The following SPECC1L variants were observed in gnomAD, a reference collection of about 807,000 sequenced individuals.
SPECC1L encodes cytospin-A.
A neutral mutation model predicts 116.8 loss-of-function variants in SPECC1L; 40 were observed. That is an observed-to-expected ratio of 0.34 (90% CI 0.27 to 0.45). The LOEUF (loss-of-function observed/expected upper bound fraction) is 0.45. Ranked by LOEUF, SPECC1L falls within the 20% of genes least tolerant of loss-of-function variation. The probability of loss-of-function intolerance (pLI) is 1.00; values close to 1 mark genes in which losing one functional copy is unlikely to be tolerated. For missense variants in SPECC1L, 1,110 were observed against 1,373.6 expected, an observed-to-expected ratio of 0.81 and a Z score of 3.03; for synonymous variants, 504 against 500.6, an observed-to-expected ratio of 1.01 and a Z score of -0.09.
intron 11 of SPECC1L, among the ~76,000 whole-genome samples, chr22:24,360,810 A>C (rs1181069068): frequency 6.6e-6 from 1 of 152,186 alleles, no homozygotes; most frequent in Non-Finnish European, 1.5e-5. Flanking sequence ...TTAAATGTAA[A>C]ACATTGATCT....
intron 10 of SPECC1L, among the ~76,000 whole-genome samples, chr22:24,340,870 A>G (rs1452651682): frequency 2.0e-5 from 3 of 152,182 alleles, no homozygotes; most frequent in Admixed American, 6.5e-5. Flanking sequence ...TAGGAATTCT[A>G]CTTCTAGCTA....
chr22:24,314,115 G>C (rs1301815398), intron 4 of SPECC1L, among the ~76,000 whole-genome samples: 1 of 151,950 alleles, frequency 6.6e-6, no homozygotes, highest in African/African-American at 2.4e-5. Flanking sequence ...CATGATCTCA[G>C]CTAACTGCAA....
chr22:24,310,675 C>CT (rs1274871774), intron 3 of SPECC1L, among the ~76,000 whole-genome samples: 1 of 150,650 alleles, frequency 6.6e-6, no homozygotes, highest in East Asian at 1.9e-4. Context: ...TTTTTTTGGT[C>CT]TTTTTCCCCT....
rs2146404986 is a variant in SPECC1L at position 24,302,262 on chromosome 22, G to A, written c.31G>A (p.Val11Met). 1.9e-6 allele frequency: 3 copies of A among 1,614,084 alleles called. No homozygotes were observed. Among genetic ancestry groups the A allele is most frequent in the East Asian group, 4.5e-5 (2 of 44,870 alleles). Residue 11 changes from valine to methionine, a missense_variant, in exon 3 of 17, where the codon GTG (valine) becomes ATG (methionine). This residue lies in a region of SPECC1L where 437 missense variants were observed against 482.6 expected (regional missense o/e 0.91). Transcript: ENST00000314328. ...GAAAGCAAGCAGGAGTGTTGGCTCAGTGCCTAAAGTGTCTGCAATAAGTAA... is the reference window on the plus strand; with the variant it reads ...GAAAGCAAGCAGGAGTGTTGGCTCAATGCCTAAAGTGTCTGCAATAAGTAA... MKKASRSVGS[V>M]PKVSAISKTQ...
chr22:24,301,782 C>A (rs2049383992), intron 2 of SPECC1L, among the ~76,000 whole-genome samples: 1 of 152,140 alleles, frequency 6.6e-6, no homozygotes, highest in Non-Finnish European at 1.5e-5. Flanking sequence ...GCACGGTGCT[C>A]ACGCCTGTAA....
intron 14 of SPECC1L, among the ~76,000 whole-genome samples, chr22:24,406,344 G>T (rs772669356): frequency 3.3e-5 from 5 of 152,204 alleles, no homozygotes; most frequent in Non-Finnish European, 7.3e-5. Context: ...CAGGGGAGGA[G>T]TGCTCAGCAG....
At position 24,322,132 on chromosome 22, in the gene SPECC1L, C is replaced by T. The variant is rs2040734762; in HGVS notation, c.1152C>T (p.Ser384=). The T allele has an allele frequency of 6.2e-7, 1 of 1,613,888 alleles. No individual in the cohort carries two copies. The highest frequency in any genetic ancestry group is 8.5e-7 in the Non-Finnish European group (1 of 1,180,042). The part of the protein sequence containing the change: ...IPSIERSRKG[S]SGNASEVSVA... ...GCATAGAGCGCTCCCGGAAGGGGAGCAGCGGGAATGCCAGTGAAGTGTCCG... is the reference window on the plus strand; with the variant it reads ...GCATAGAGCGCTCCCGGAAGGGGAGTAGCGGGAATGCCAGTGAAGTGTCCG... The change falls in exon 5 of 17, where the codon AGC becomes AGT. Residue 384 remains serine, a synonymous_variant. Transcript: ENST00000314328.
In SPECC1L at chr22:24,338,501, G is replaced by A. The variant is rs559667717; in HGVS notation, c.2652+24G>A. 4.0e-5 allele frequency: 65 copies of A among 1,606,030 alleles called. No homozygotes were observed. The South Asian group carries it at 6.4e-4, about 16-fold the overall frequency. On this transcript the variant is annotated intron_variant, in intron 10 of 16. Transcript: ENST00000314328. ...AGGTGAGTGCCTGGAACCACAGGAG[G>A]CTCTTAGAGCCTCAGAATCTGAAAG...
intron 2 of SPECC1L, among the ~76,000 whole-genome samples, chr22:24,281,190 G>A (rs1174541515): frequency 1.3e-5 from 2 of 152,176 alleles, no homozygotes; most frequent in Admixed American, 6.5e-5. Context: ...TTCAAAACAT[G>A]TTTTCACTAT....
chr22:24,375,670 G>A (rs1289619312), intron 14 of SPECC1L, among the ~76,000 whole-genome samples: 1 of 152,210 alleles, frequency 6.6e-6, no homozygotes, highest in Admixed American at 6.5e-5. Flanking sequence ...AAAACCCACA[G>A]TTGGCTGGGC....
In SPECC1L at chr22:24,322,376, T is replaced by G; in HGVS notation, c.1396T>G (p.Phe466Val). The G allele has an allele frequency of 6.2e-7, 1 of 1,614,238 alleles. No individual in the cohort carries two copies. ...ACACTTTAGTCGACAGATTGAATACTTCCGCTCTCTTCTAGATGAGCATCA... is the reference window on the plus strand; with the variant it reads ...ACACTTTAGTCGACAGATTGAATACGTCCGCTCTCTTCTAGATGAGCATCA... ...LEHFSRQIEY[F>V]RSLLDEHHIS... The change falls in exon 5 of 17, where the codon TTC (phenylalanine) becomes GTC (valine). Residue 466 changes from phenylalanine to valine, a missense_variant. This residue lies in a region of SPECC1L where 575 missense variants were observed against 682.4 expected (regional missense o/e 0.84). Transcript: ENST00000314328.
At chr22:24,380,107 G>C (rs1031840021) in intron 14 of SPECC1L, among the ~76,000 whole-genome samples, 3 of 152,198 alleles carry the variant, frequency 2.0e-5, no homozygotes, top group Admixed American at 2.0e-4. Flanking sequence ...CTGACCTCAA[G>C]TGACCCACCC....
At chr22:24,308,032 C>G (rs1240394645) in intron 3 of SPECC1L, among the ~76,000 whole-genome samples, 2 of 151,930 alleles carry the variant, frequency 1.3e-5, no homozygotes, top group Non-Finnish European at 2.9e-5. Flanking sequence ...ATTATCACTT[C>G]CCTGTATATA....
At chr22:24,292,105 G>A (rs1392014582) in intron 2 of SPECC1L, among the ~76,000 whole-genome samples, 1 of 152,164 alleles carries the variant, frequency 6.6e-6, no homozygotes, top group Non-Finnish European at 1.5e-5. Context: ...AGGGGTTCCC[G>A]TCCCACCCTG....
At position 24,275,145 on chromosome 22, in the gene SPECC1L, A is replaced by G. The variant is rs143756404; in HGVS notation, c.-141-1555A>G. 1.5e-3 allele frequency among the ~76,000 whole-genome samples: 233 copies of G among 152,238 alleles called. 4 individuals carry two copies. The East Asian group carries it at 0.033, about 22-fold the overall frequency. On this transcript the variant is annotated intron_variant, in intron 1 of 16. Coordinates refer to ENST00000314328, the MANE Select transcript of SPECC1L (RefSeq NM_015330.6). ...TTGTCTGGCACCCTGTGCATTTGGG[A>G]TTTGGCACACTATGTCTCGTCTGCG...
chr22:24,305,047 G>A (rs2049463729), intron 3 of SPECC1L, among the ~76,000 whole-genome samples: 1 of 152,190 alleles, frequency 6.6e-6, no homozygotes, highest in Non-Finnish European at 1.5e-5. Context: ...GAATGCACAT[G>A]CCTTTACAGA....
chr22:24,279,589 T>A (rs1219177069), intron 2 of SPECC1L, among the ~76,000 whole-genome samples: 3 of 144,748 alleles, frequency 2.1e-5, no homozygotes, highest in Admixed American at 6.7e-5. Flanking sequence ...TATTATTATT[T>A]ATTATTTTAG....
chr22:24,284,397 A>G (rs2049002224), intron 2 of SPECC1L, among the ~76,000 whole-genome samples: 1 of 151,990 alleles, frequency 6.6e-6, no homozygotes, highest in Admixed American at 6.6e-5. Context: ...ATATTCCATT[A>G]TTTTGTAATT....
At chr22:24,313,699 A>T (rs2146443357) in intron 4 of SPECC1L, among the ~76,000 whole-genome samples, 1 of 149,236 alleles carries the variant, frequency 6.7e-6, no homozygotes, top group South Asian at 2.1e-4. Flanking sequence ...ACATCATATC[A>T]TTTCATCCAT....
Sources: gnomAD v4.1 joint callset for allele counts (sites outside exome capture counted in the v4.1 genomes callset) on GRCh38, gnomAD v4.1.1 for gene constraint, gnomAD v4.1.1 regional missense constraint, MANE v1.5 for transcripts, NCBI Gene and HGNC (gene_info 2026-07-23, HGNC 2026-07-21) for gene names.